GPC6: variants seen among roughly 807,000 people sequenced by gnomAD.
The protein encoded by GPC6 is glypican-6.
A neutral mutation model predicts 55.2 loss-of-function variants in GPC6; 14 were observed. That is an observed-to-expected ratio of 0.25 (90% CI 0.17 to 0.40). The LOEUF is 0.40. Among genes scored for constraint, GPC6 ranks in the 10% least tolerant of loss-of-function variants. GPC6 has a pLI of 1.00. For missense variants in GPC6, 641 were observed against 708.5 expected (o/e 0.90, Z 1.08); for synonymous variants, 278 against 259.6 (o/e 1.07, Z -0.68).
chr13:93,304,056 C>T (rs915229497), intron 1 of GPC6, among the ~76,000 whole-genome samples: 11 of 151,768 alleles, frequency 7.2e-5, no homozygotes, highest in African/African-American at 2.4e-4. Flanking sequence ...TTAGTAGAGA[C>T]GGGATTTCAC....
At chr13:93,805,969 G>C (rs9524228) in intron 2 of GPC6, among the ~76,000 whole-genome samples, 56,976 of 151,990 alleles carry the variant, frequency 0.37, 11,514 homozygotes, top group African/African-American at 0.52. Flanking sequence ...TTTGAGTCTC[G>C]TCAGTCATTC....
At chr13:94,371,798 T>G (rs73553818) in intron 6 of GPC6, among the ~76,000 whole-genome samples, 1,609 of 152,330 alleles carry the variant, frequency 0.011, 38 homozygotes, top group African/African-American at 0.036. Context: ...AATGGTTGAC[T>G]ATTTTGCTAT....
At chr13:93,516,605 AT>A (rs1269066719) in intron 1 of GPC6, among the ~76,000 whole-genome samples, 2 of 152,200 alleles carry the variant, frequency 1.3e-5, no homozygotes, top group African/African-American at 2.4e-5. Context: ...AATAAAAAAA[AT>A]AATTACTTAT....
intron 1 of GPC6, among the ~76,000 whole-genome samples, chr13:93,434,403 TG>T (rs1245070843): frequency 5.9e-5 from 9 of 152,048 alleles, no homozygotes; most frequent in Non-Finnish European, 1.5e-5. Flanking sequence ...AGTGTATAAT[TG>T]GGGGGATAAA....
At chr13:93,973,272 T>G (rs1880368748) in intron 3 of GPC6, among the ~76,000 whole-genome samples, 1 of 152,164 alleles carries the variant, frequency 6.6e-6, no homozygotes, top group African/African-American at 2.4e-5. Flanking sequence ...TACTTATGTA[T>G]CTAAACATAC....
chr13:93,676,711 C>T (rs1423813422), intron 2 of GPC6, among the ~76,000 whole-genome samples: 1 of 152,082 alleles, frequency 6.6e-6, no homozygotes, highest in Non-Finnish European at 1.5e-5. Context: ...GGAGTGTGTT[C>T]TGTATGTTTT....
intron 1 of GPC6, among the ~76,000 whole-genome samples, chr13:93,335,051 T>TTCCAAC (rs1879997418): frequency 6.6e-6 from 1 of 152,214 alleles, no homozygotes; most frequent in South Asian, 2.1e-4. Flanking sequence ...GCAATGTTTC[T>TTCCAAC]TCCAACTGTT....
intron 2 of GPC6, among the ~76,000 whole-genome samples, chr13:93,608,680 C>T (rs1422919495): frequency 1.3e-5 from 2 of 152,176 alleles, no homozygotes; most frequent in Admixed American, 1.3e-4. Flanking sequence ...AAGGCAAGTC[C>T]TAGAGAACAG....
chr13:94,144,312 G>T (rs920330809), intron 4 of GPC6, among the ~76,000 whole-genome samples: 1 of 151,358 alleles, frequency 6.6e-6, no homozygotes, highest in Non-Finnish European at 1.5e-5. Flanking sequence ...CAAAATATAC[G>T]CAGTGTGGAT....
intron 1 of GPC6, among the ~76,000 whole-genome samples, chr13:93,326,097 C>A (rs1042180023): frequency 1.3e-5 from 2 of 152,126 alleles, no homozygotes; most frequent in Admixed American, 1.3e-4. Flanking sequence ...GTGCACTCAG[C>A]ACCACAGGGA....
At chr13:94,383,827 G>A (rs1315601184) in intron 7 of GPC6, among the ~76,000 whole-genome samples, 1 of 152,154 alleles carries the variant, frequency 6.6e-6, no homozygotes, top group Non-Finnish European at 1.5e-5. Context: ...GGAGGCCTCA[G>A]GAAACTTACA....
chr13:94,394,438 G>C (rs1329893323), intron 7 of GPC6, among the ~76,000 whole-genome samples: 3 of 152,172 alleles, frequency 2.0e-5, no homozygotes, highest in Admixed American at 6.5e-5. Context: ...GGGATATGAT[G>C]GTGCAAAAAC....
At chr13:93,533,393 A>C (rs752895741) in intron 1 of GPC6, among the ~76,000 whole-genome samples, 5 of 152,198 alleles carry the variant, frequency 3.3e-5, no homozygotes, top group Admixed American at 6.5e-5. Flanking sequence ...AAATTCCTTA[A>C]CATCCTTGGC....
intron 1 of GPC6, among the ~76,000 whole-genome samples, chr13:93,281,018 G>C (rs1282590137): frequency 6.6e-6 from 1 of 152,140 alleles, no homozygotes; most frequent in African/African-American, 2.4e-5. Flanking sequence ...GAGGTCCAAG[G>C]GTTGGGGACC....
intron 4 of GPC6, among the ~76,000 whole-genome samples, chr13:94,244,328 A>G (rs961303626): frequency 1.3e-5 from 2 of 152,156 alleles, no homozygotes; most frequent in Admixed American, 1.3e-4. Context: ...ATAGGAAGAC[A>G]TTGTCACTGG....
chr13:94,169,511 G>T (rs564178281), intron 4 of GPC6, among the ~76,000 whole-genome samples: 1 of 152,238 alleles, frequency 6.6e-6, no homozygotes, highest in South Asian at 2.1e-4. Context: ...ACTTCTGGAA[G>T]ATTAAAAGGA....
intron 2 of GPC6, among the ~76,000 whole-genome samples, chr13:93,587,522 C>G (rs1328580108): frequency 6.6e-6 from 1 of 152,116 alleles, no homozygotes; most frequent in Non-Finnish European, 1.5e-5. Context: ...TGTTATGGTT[C>G]ATGTTGTTGC....
intron 4 of GPC6, among the ~76,000 whole-genome samples, chr13:94,153,588 T>TATC (rs1370649907): frequency 2.0e-5 from 3 of 152,202 alleles, no homozygotes; most frequent in Non-Finnish European, 4.4e-5. Context: ...GCTTGTGTCC[T>TATC]ATCTACCATT....
intron 3 of GPC6, among the ~76,000 whole-genome samples, chr13:93,970,954 T>C (rs1327153731): frequency 6.6e-6 from 1 of 152,228 alleles, no homozygotes; most frequent in Non-Finnish European, 1.5e-5. Context: ...TTTTGATAGT[T>C]ATCTATTAAT....
Sources: allele counts gnomAD v4.1 joint callset (sites outside exome capture counted in the v4.1 genomes callset), GRCh38; gene constraint gnomAD v4.1.1; transcripts MANE v1.5; gene names NCBI Gene and HGNC (gene_info 2026-07-23, HGNC 2026-07-21).